CTNNA1: variants seen among roughly 807,000 people sequenced by gnomAD.
CTNNA1 encodes the protein catenin alpha-1.
CTNNA1 carries 37 observed loss-of-function variants against 98.4 expected under a neutral mutation model. The ratio of observed to expected loss-of-function variants is 0.38; its 90% CI spans 0.29 to 0.49. CTNNA1 has a LOEUF of 0.49. CTNNA1 is among the 20% of genes least tolerant of loss of function. The pLI is 0.95. For synonymous variants in CTNNA1, 404 were observed against 413.2 expected, an observed-to-expected ratio of 0.98 and a Z score of 0.27; for missense variants, 761 against 1,147.2, an observed-to-expected ratio of 0.66 and a Z score of 4.86.
intron 9 of CTNNA1, among the ~76,000 whole-genome samples, chr5:138,894,481 A>G (rs554735079): frequency 2.6e-5 from 4 of 151,056 alleles, no homozygotes; most frequent in African/African-American, 9.7e-5. Context: ...GGGTTTTGCC[A>G]TGTTGTGCAG....
At chr5:138,843,718 G>T (rs1331612166) in intron 7 of CTNNA1, among the ~76,000 whole-genome samples, 1 of 152,212 alleles carries the variant, frequency 6.6e-6, no homozygotes, top group East Asian at 1.9e-4. Flanking sequence ...GTGAGAATGG[G>T]TCAGGCATTT....
chr5:138,827,939 GA>G (rs1442979397), intron 7 of CTNNA1: 2 of 546,688 alleles, frequency 3.7e-6, no homozygotes, highest in Non-Finnish European at 6.5e-6. Flanking sequence ...ATCATACAGT[GA>G]ATACCTAGGA....
In CTNNA1 at chr5:138,775,773, A is replaced by C. The variant is rs192720823; in HGVS notation, c.-2-6150A>C. Among the ~76,000 whole-genome samples the C allele has an allele frequency of 2.8e-3, 341 of 121,420 alleles. 1 individual carries two copies. The highest frequency in any genetic ancestry group is 0.01 in the African/African-American group (307 of 30,644). The allele number at this position is 121,420 out of a possible 152,430, so 79.7% of individuals were successfully genotyped here. A position where few individuals can be genotyped will look rare whatever the true frequency, so the allele number is the denominator to read the frequency against. On this transcript the variant is annotated intron_variant, in intron 1 of 17. Coordinates refer to ENST00000302763, the MANE Select transcript of CTNNA1 (RefSeq NM_001903.5). ...GTCTTGCTCTGTCCGCCCAGGCTGG[A>C]GTGCAGTGGCGCGATCTCGGTTCAC...
chr5:138,857,616 C>A (rs1452409089), intron 7 of CTNNA1, among the ~76,000 whole-genome samples: 1 of 152,134 alleles, frequency 6.6e-6, no homozygotes, highest in Non-Finnish European at 1.5e-5. Context: ...CCACTGCATT[C>A]TTAAGTGCCT....
intron 9 of CTNNA1, among the ~76,000 whole-genome samples, chr5:138,897,146 C>A (rs1025823066): frequency 6.6e-5 from 10 of 152,136 alleles, no homozygotes; most frequent in African/African-American, 2.4e-4. Flanking sequence ...CCTTTCCCCT[C>A]AGCTCCAGAC....
intron 7 of CTNNA1, among the ~76,000 whole-genome samples, chr5:138,857,618 T>C (rs1157385281): frequency 6.6e-6 from 1 of 152,134 alleles, no homozygotes; most frequent in East Asian, 1.9e-4. Context: ...ACTGCATTCT[T>C]AAGTGCCTTC....
chr5:138,761,309 A>T (rs910089827), intron 1 of CTNNA1, among the ~76,000 whole-genome samples: 1 of 152,068 alleles, frequency 6.6e-6, no homozygotes, highest in Non-Finnish European at 1.5e-5. Flanking sequence ...ATCTCGGCTC[A>T]CTGCAACCTC....
intron 7 of CTNNA1, among the ~76,000 whole-genome samples, chr5:138,850,494 A>G (rs1763090849): frequency 6.6e-6 from 1 of 152,228 alleles, no homozygotes; most frequent in South Asian, 2.1e-4. Context: ...CAAATAATTA[A>G]TACTAATAAT....
At chr5:138,891,485 G>T (rs1337708120) in intron 9 of CTNNA1, among the ~76,000 whole-genome samples, 1 of 152,168 alleles carries the variant, frequency 6.6e-6, no homozygotes, top group Non-Finnish European at 1.5e-5. Context: ...TAATGGCCGG[G>T]CACTGTGGCC....
At chr5:138,810,963 A>G (rs6596452) in intron 4 of CTNNA1, among the ~76,000 whole-genome samples, 90,709 of 133,066 alleles carry the variant, frequency 0.68, 29,631 homozygotes, top group East Asian at 0.96. Flanking sequence ...CTGGCCGGGC[A>G]GGGGGCTGAC....
At chr5:138,804,437 A>G (rs999431995) in intron 3 of CTNNA1, among the ~76,000 whole-genome samples, 2 of 152,212 alleles carry the variant, frequency 1.3e-5, no homozygotes, top group African/African-American at 2.4e-5. Context: ...CTAGAAAGAA[A>G]CCTAGTTTTA....
intron 7 of CTNNA1, among the ~76,000 whole-genome samples, chr5:138,864,854 G>A (rs1472136265): frequency 6.6e-6 from 1 of 152,012 alleles, no homozygotes; most frequent in Admixed American, 6.6e-5. Flanking sequence ...TTGCTCTGTT[G>A]CCCAGGCTGG....
intron 3 of CTNNA1, among the ~76,000 whole-genome samples, chr5:138,785,500 C>A (rs943325621): frequency 2.4e-4 from 29 of 122,832 alleles, no homozygotes; most frequent in Non-Finnish European, 5.0e-5. Flanking sequence ...ACGAAACTCA[C>A]AATCATATTA....
At chr5:138,914,440 TGAGA>T (rs371713749) in intron 10 of CTNNA1, among the ~76,000 whole-genome samples, 22 of 152,304 alleles carry the variant, frequency 1.4e-4, no homozygotes, top group African/African-American at 5.3e-4. Context: ...CAGCATAACG[TGAGA>T]AAAACAAGGA....
chr5:138,799,691 A>C (rs1757348483), intron 3 of CTNNA1, among the ~76,000 whole-genome samples: 1 of 148,812 alleles, frequency 6.7e-6, no homozygotes, highest in Admixed American at 6.7e-5. Context: ...CTGGGGGCTT[A>C]TTTATATACT....
At chr5:138,832,812 G>A (rs1338750893) in intron 7 of CTNNA1, among the ~76,000 whole-genome samples, 1 of 152,060 alleles carries the variant, frequency 6.6e-6, no homozygotes, top group Non-Finnish European at 1.5e-5. Flanking sequence ...CTGGTTAATG[G>A]GTTAAAATTT....
intron 1 of CTNNA1, among the ~76,000 whole-genome samples, chr5:138,770,285 A>G (rs1402048988): frequency 6.6e-6 from 1 of 152,110 alleles, no homozygotes; most frequent in East Asian, 1.9e-4. Flanking sequence ...TAGACTAGTC[A>G]TTCAGTCTCA....
At chr5:138,896,611 G>A (rs977058879) in intron 9 of CTNNA1, among the ~76,000 whole-genome samples, 2 of 152,134 alleles carry the variant, frequency 1.3e-5, no homozygotes, top group African/African-American at 2.4e-5. Flanking sequence ...GGAGCCAGAG[G>A]GCTGGTATTG....
intron 7 of CTNNA1, among the ~76,000 whole-genome samples, chr5:138,867,819 C>T (rs986087149): frequency 1.3e-5 from 2 of 150,134 alleles, no homozygotes; most frequent in Admixed American, 1.3e-4. Flanking sequence ...GTGGCATGAT[C>T]TCAGCTCACT....
Sources: gnomAD v4.1 joint callset for allele counts (sites outside exome capture counted in the v4.1 genomes callset) on GRCh38, gnomAD v4.1.1 for gene constraint, MANE v1.5 for transcripts, NCBI Gene and HGNC (gene_info 2026-07-23, HGNC 2026-07-21) for gene names.